CDH17: variants seen among roughly 807,000 people sequenced by gnomAD.
The protein encoded by CDH17 is cadherin 17.
In CDH17, 67 loss-of-function variants were observed where a neutral mutation model predicts 86.3. That is an observed-to-expected ratio of 0.78 (90% CI 0.64 to 0.95). CDH17 has a LOEUF of 0.95. Ranked by LOEUF, CDH17 falls within the 40% of genes least tolerant of loss-of-function variation. The probability of loss-of-function intolerance (pLI) is 0.00; values close to 1 mark genes in which losing one functional copy is unlikely to be tolerated. For missense variants in CDH17, 993 were observed against 1,017.6 expected, an observed-to-expected ratio of 0.98 and a Z score of 0.33; for synonymous variants, 367 against 366.4, an observed-to-expected ratio of 1.00 and a Z score of -0.02.
At chr8:94,188,340 T>C (rs758504824) in intron 3 of CDH17, among the ~76,000 whole-genome samples, 3 of 152,210 alleles carry the variant, frequency 2.0e-5, no homozygotes, top group African/African-American at 7.2e-5. Flanking sequence ...AATTTGCTGA[T>C]GCATGAACCC....
chr8:94,132,958 T>A (rs184118808), intron 15 of CDH17, among the ~76,000 whole-genome samples: 2 of 152,328 alleles, frequency 1.3e-5, no homozygotes, highest in African/African-American at 4.8e-5. Context: ...CTCCGGTTTG[T>A]CAAAGATCAC....
chr8:94,152,757 C>T (rs1452383799), intron 12 of CDH17, among the ~76,000 whole-genome samples: 1 of 152,200 alleles, frequency 6.6e-6, no homozygotes, highest in Admixed American at 6.5e-5. Flanking sequence ...AACATGGCAC[C>T]AGCATCTGTT....
chr8:94,199,855 G>T (rs1414754083), intron 1 of CDH17, among the ~76,000 whole-genome samples: 1 of 152,092 alleles, frequency 6.6e-6, no homozygotes, highest in Non-Finnish European at 1.5e-5. Flanking sequence ...CTATAAAGCA[G>T]GGATAATAAT....
chr8:94,153,677 CAT>C (rs934044532), intron 12 of CDH17, among the ~76,000 whole-genome samples: 1 of 152,032 alleles, frequency 6.6e-6, no homozygotes, highest in Non-Finnish European at 1.5e-5. Context: ...CACGCACACA[CAT>C]ATATATATAC....
intron 9 of CDH17, among the ~76,000 whole-genome samples, chr8:94,168,107 T>TAA (rs1813193132): frequency 1.0e-4 from 1 of 9,622 alleles, no homozygotes; most frequent in Non-Finnish European, 2.5e-4. Context: ...AATATATATA[T>TAA]ATATATATAT....
chr8:94,206,572 G>A (rs928354032), intron 1 of CDH17, among the ~76,000 whole-genome samples: 3 of 151,614 alleles, frequency 2.0e-5, no homozygotes, highest in African/African-American at 7.3e-5. Flanking sequence ...CATCCTTCTA[G>A]ACATTTTTTT....
chr8:94,189,044 T>A, intron 3 of CDH17, 143 bp downstream of exon 3: 1 of 664,414 alleles, frequency 1.5e-6, no homozygotes, highest in South Asian at 1.8e-5. Context: ...CATCTCTCTG[T>A]TTAACTTAGC....
chr8:94,207,424 GCT>G (rs1320588138), intron 1 of CDH17, among the ~76,000 whole-genome samples: 1 of 152,114 alleles, frequency 6.6e-6, no homozygotes, highest in East Asian at 1.9e-4. Flanking sequence ...TCTAGTGGCA[GCT>G]CTCTGTTCTG....
At chr8:94,211,912 C>T (rs1814127668), upstream of CDH17, among the ~76,000 whole-genome samples, 1 of 152,208 alleles carries the variant, frequency 6.6e-6, no homozygotes, top group African/African-American at 2.4e-5. Context: ...TCTAAATAGT[C>T]ATGATTACCT....
chr8:94,143,367 C>T (rs1812674594), intron 15 of CDH17, among the ~76,000 whole-genome samples: 1 of 152,184 alleles, frequency 6.6e-6, no homozygotes, highest in African/African-American at 2.4e-5. Context: ...GTCATCTGGG[C>T]TTTGTTGTTC....
At chr8:94,178,990 C>A (rs899376898) in intron 3 of CDH17, among the ~76,000 whole-genome samples, 4 of 148,410 alleles carry the variant, frequency 2.7e-5, no homozygotes, top group African/African-American at 1.0e-4. Flanking sequence ...TAAATATCAT[C>A]TTTTTAAGAA....
chr8:94,199,038 GATATATATATATATATATATATAT>G (rs869128612), intron 1 of CDH17, among the ~76,000 whole-genome samples: 9 of 73,392 alleles, frequency 1.2e-4, no homozygotes, highest in African/African-American at 4.7e-4. Flanking sequence ...AGTTCTGATT[GATATATATATATATATATATATAT>G]ATATATATAT....
intron 1 of CDH17, among the ~76,000 whole-genome samples, chr8:94,195,024 C>T (rs939718424): frequency 6.6e-6 from 1 of 152,128 alleles, no homozygotes; most frequent in East Asian, 1.9e-4. Flanking sequence ...TTTTTGGAAA[C>T]GCAGTCTCAC....
At chr8:94,195,236 CAG>C (rs1813760360) in intron 1 of CDH17, among the ~76,000 whole-genome samples, 1 of 152,188 alleles carries the variant, frequency 6.6e-6, no homozygotes, top group Admixed American at 6.5e-5. Flanking sequence ...TTCCTGACTT[CAG>C]GTGATCTGCC....
intron 10 of CDH17, among the ~76,000 whole-genome samples, chr8:94,162,377 G>A (rs970156334): frequency 6.6e-5 from 10 of 152,180 alleles, no homozygotes; most frequent in Admixed American, 6.5e-4. Context: ...AGATCTAAGA[G>A]AGATTTTTCT....
chr8:94,191,292 G>A (rs1353928032), intron 2 of CDH17, among the ~76,000 whole-genome samples: 1 of 152,164 alleles, frequency 6.6e-6, no homozygotes, highest in African/African-American at 2.4e-5. Flanking sequence ...GTGTAGCAAA[G>A]AAAAGTAGCC....
At position 94,146,016 on chromosome 8, in the gene CDH17, A is replaced by C; in HGVS notation, c.2079T>G (p.Asp693Glu). ...GGGGACCCCGAAATAAGTGCTGATC[A>C]TCATCAGTAGCCTCGAAAATGAGAC... ...PGSLIFEATD[D>E]DQHLFRGPHF... Residue 693 changes from aspartate (D) to glutamate (E), a missense_variant, in exon 15 of 18, where the codon GAT (aspartate) becomes GAG (glutamate). Transcript: ENST00000027335. 5 of 1,613,992 alleles carry C rather than the reference A, an allele frequency of 3.1e-6. No individual in the cohort carries two copies. Among genetic ancestry groups the C allele is most frequent in the Non-Finnish European group, 4.2e-6 (5 of 1,179,920 alleles).
At chr8:94,159,337 A>G (rs1417175700) in intron 12 of CDH17, among the ~76,000 whole-genome samples, 1 of 152,234 alleles carries the variant, frequency 6.6e-6, no homozygotes, top group African/African-American at 2.4e-5. Flanking sequence ...TTAGCAATAC[A>G]GTAAAAGGTG....
In CDH17 at chr8:94,160,004, G is replaced by C; in HGVS notation, c.1518C>G (p.Pro506=). Residue 506 remains proline (P), a synonymous_variant, in exon 12 of 18, where the codon CCC becomes CCG. Coordinates refer to ENST00000027335, the MANE Select transcript of CDH17 (RefSeq NM_004063.4). Reference sequence around the variant, plus strand: ...TTATGACATATCCGGTGTTGGTATGGGGATCTGTGTCAACCCCCAGGCGTC... The same window carrying C: ...TTATGACATATCCGGTGTTGGTATGCGGATCTGTGTCAACCCCCAGGCGTC... ...SEGRLGVDTD[P]HTNTGYVIIK... is the part of the protein sequence containing the mutation. 6.2e-7 allele frequency: 1 copy of C among 1,612,088 alleles called. No homozygotes were observed.
Sources: gnomAD v4.1 joint callset for allele counts (sites outside exome capture counted in the v4.1 genomes callset) on GRCh38, gnomAD v4.1.1 for gene constraint, MANE v1.5 for transcripts, NCBI Gene and HGNC (gene_info 2026-07-23, HGNC 2026-07-21) for gene names.